TTC34: variants seen among roughly 807,000 people sequenced by gnomAD.
TTC34 encodes tetratricopeptide repeat protein 34.
In TTC34, 44 loss-of-function variants were observed where a neutral mutation model predicts 40.7. The observed-to-expected ratio is 1.08, with a 90% confidence interval of 0.85 to 1.39. The LOEUF (loss-of-function observed/expected upper bound fraction) is 1.39, where lower values mean the gene tolerates loss of function less well. Among genes scored for constraint, TTC34 ranks in the 40% most tolerant of loss-of-function variants. TTC34 has a pLI of 0.00. For synonymous variants in TTC34, 422 were observed against 398.6 expected (o/e 1.06, Z -0.70); for missense variants, 884 against 838.0 (o/e 1.05, Z -0.68).
chr1:2,778,501 G>A (rs932845201), intron 6 of TTC34, among the ~76,000 whole-genome samples: 1 of 152,232 alleles, frequency 6.6e-6, no homozygotes, highest in African/African-American at 2.4e-5. Flanking sequence ...CAAGAGGGTG[G>A]CCAGCAGATC....
rs1011723707 is a variant in TTC34, at chr1:2,692,253, C to G, written c.2227-46690G>C. ...CAGGCGAGCATCCGACAGCCTGGAG[C>G]AGCACCCACACCCTCAGGTGAGCAT... On this transcript the variant is annotated intron_variant, in intron 6 of 8. Coordinates refer to ENST00000401095, the Ensembl canonical transcript of TTC34. Among the ~76,000 whole-genome samples the G allele has an allele frequency of 7.9e-5, 6 of 76,370 alleles. 1 individual carries two copies. Among genetic ancestry groups the G allele is most frequent in the African/African-American group, 2.6e-4 (6 of 23,500 alleles). The allele number at this position is 76,370 out of a possible 152,430, so 50.1% of individuals were successfully genotyped here. A position where few individuals can be genotyped will look rare whatever the true frequency, so the allele number is the denominator to read the frequency against.
chr1:2,779,212 C>A (rs1341467155), intron 6 of TTC34, among the ~76,000 whole-genome samples: 2 of 152,176 alleles, frequency 1.3e-5, no homozygotes, highest in East Asian at 3.8e-4. Flanking sequence ...CTCTTGTGAA[C>A]AATGATGCTA....
At chr1:2,785,280 A>G (rs1643566609) in intron 5 of TTC34, among the ~76,000 whole-genome samples, 1 of 113,086 alleles carries the variant, frequency 8.8e-6, no homozygotes, top group African/African-American at 3.6e-5. Flanking sequence ...ATCTAGGTCC[A>G]GGCTCTCACA....
intron 6 of TTC34, among the ~76,000 whole-genome samples, chr1:2,750,277 C>CAG (rs1641272155): frequency 9.1e-6 from 1 of 109,334 alleles, no homozygotes. Flanking sequence ...TGGAAAAGAG[C>CAG]CCAGACCCCC....
At chr1:2,757,891 A>G (rs1433130553) in intron 6 of TTC34, among the ~76,000 whole-genome samples, 2 of 145,618 alleles carry the variant, frequency 1.4e-5, no homozygotes, top group Admixed American at 6.8e-5. Context: ...AGCCTCTGAC[A>G]GCCTGGAACA....
At chr1:2,791,632 G>A (rs1643664367) in intron 2 of TTC34, among the ~76,000 whole-genome samples, 1 of 152,138 alleles carries the variant, frequency 6.6e-6, no homozygotes, top group South Asian at 2.1e-4. Context: ...TCTAGTTCTG[G>A]TGGCCAAAGT....
intron 8 of TTC34, among the ~76,000 whole-genome samples, chr1:2,643,292 G>A (rs891092594): frequency 6.6e-6 from 1 of 152,202 alleles, no homozygotes. Context: ...GTGGGTCCCC[G>A]TCTCCAGGCA....
intron 6 of TTC34, among the ~76,000 whole-genome samples, chr1:2,768,165 C>A (rs1043459088): frequency 4.5e-5 from 6 of 133,240 alleles, no homozygotes; most frequent in African/African-American, 1.4e-4. Context: ...AACACTCGAA[C>A]CTTCAGGTGA....
At chr1:2,748,916 C>G (rs1353473089) in intron 6 of TTC34, among the ~76,000 whole-genome samples, 56 of 75,946 alleles carry the variant, frequency 7.4e-4, no homozygotes, top group Non-Finnish European at 1.0e-3. Flanking sequence ...GAACAGAACC[C>G]ACACCGCCAG....
intron 6 of TTC34, among the ~76,000 whole-genome samples, chr1:2,752,310 A>C (rs1255820582): frequency 8.5e-6 from 1 of 117,720 alleles, no homozygotes; most frequent in African/African-American, 3.8e-5. Context: ...AGCATCTGAC[A>C]GCCTGGAACA....
At chr1:2,685,195 A>G (rs531875659) in intron 6 of TTC34, among the ~76,000 whole-genome samples, 1 of 133,872 alleles carries the variant, frequency 7.5e-6, no homozygotes, top group Admixed American at 7.5e-5. Flanking sequence ...AACAGCACCC[A>G]CACCCCCAGG....
chr1:2,788,339 G>A (rs537017064), intron 3 of TTC34, among the ~76,000 whole-genome samples: 2 of 151,322 alleles, frequency 1.3e-5, no homozygotes, highest in Non-Finnish European at 2.9e-5. Context: ...TTATGTACAT[G>A]TGTGTTGTGT....
intron 6 of TTC34, among the ~76,000 whole-genome samples, chr1:2,780,563 C>A (rs558471331): frequency 2.5e-4 from 38 of 152,238 alleles, no homozygotes; most frequent in African/African-American, 8.9e-4. Flanking sequence ...AATCATTTGA[C>A]CATCTATGGG....
intron 6 of TTC34, among the ~76,000 whole-genome samples, chr1:2,777,332 A>C (rs1569918679): frequency 9.0e-6 from 1 of 110,586 alleles, no homozygotes; most frequent in African/African-American, 3.7e-5. Context: ...AGCACCCCAC[A>C]CCTCCAGGGG....
At chr1:2,675,743 AGCCTGGGTCGG>A (rs2100295010) in intron 6 of TTC34, among the ~76,000 whole-genome samples, 2 of 57,708 alleles carry the variant, frequency 3.5e-5, no homozygotes, top group East Asian at 4.0e-4. Context: ...AGCATCTGAC[AGCCTGGGTCGG>A]CAACCACACA....
chr1:2,764,061 T>A (rs1236824450), intron 6 of TTC34, among the ~76,000 whole-genome samples: 1 of 82,882 alleles, frequency 1.2e-5, no homozygotes, highest in African/African-American at 4.5e-5. Flanking sequence ...CATCCTCACC[T>A]CCAGGTGAGC....
rs540533483 is a variant in TTC34, at chr1:2,698,972, C to A, written c.2227-53409G>T. On this transcript the variant is annotated intron_variant, in intron 6 of 8. Coordinates refer to ENST00000401095, the Ensembl canonical transcript of TTC34. Reference sequence around the variant, plus strand: ...ACAGCCTGGAACATCACCCTGCCCCCCCAGGTGAGCATCTGACAGCCTGGA... The same window carrying A: ...ACAGCCTGGAACATCACCCTGCCCCACCAGGTGAGCATCTGACAGCCTGGA... Among the ~76,000 whole-genome samples the A allele has an allele frequency of 1.4e-3, 202 of 145,872 alleles. 15 individuals are homozygous for A. The highest frequency in any genetic ancestry group is 4.7e-3 in the African/African-American group (189 of 40,096).
chr1:2,751,450 C>G (rs1393953179), intron 6 of TTC34, among the ~76,000 whole-genome samples: 1 of 100,838 alleles, frequency 9.9e-6, no homozygotes, highest in South Asian at 3.9e-4. Context: ...CCCAGACCCC[C>G]AGGTGAGCAT....
At position 2,751,608 on chromosome 1, in the gene TTC34, C is replaced by A. The variant is rs1275823126; in HGVS notation, c.2226+32001G>T. ...TGACAGCCTGCAACAGCACCCACAC[C>A]CCCAGGCGAGCATCTGACGGCCTGG... On this transcript the variant is annotated intron_variant, in intron 6 of 8. Transcript: ENST00000401095. 1.4e-4 allele frequency among the ~76,000 whole-genome samples: 18 copies of A among 126,402 alleles called. 1 individual carries two copies. The highest frequency in any genetic ancestry group is 5.5e-4 in the South Asian group (2 of 3,648). 82.9% of individuals were successfully genotyped at this position (126,402 alleles called of 152,430 possible).
Sources: allele counts gnomAD v4.1 joint callset (sites outside exome capture counted in the v4.1 genomes callset), GRCh38; gene constraint gnomAD v4.1.1; transcripts MANE v1.5; gene names NCBI Gene and HGNC (gene_info 2026-07-23, HGNC 2026-07-21).